Variants in PBX1 observed in about 807,000 individuals in gnomAD.
PBX1 encodes pre-B-cell leukemia transcription factor 1.
PBX1 carries 6 observed loss-of-function variants against 53.4 expected under a neutral mutation model. The observed-to-expected ratio is 0.11, with a 90% CI of 0.06 to 0.22. PBX1 has a LOEUF of 0.22. Ranked by LOEUF, PBX1 falls within the 10% of genes least tolerant of loss-of-function variation. The probability of loss-of-function intolerance (pLI) is 1.00; values close to 1 mark genes in which losing one functional copy is unlikely to be tolerated. For missense variants in PBX1, 251 were observed against 551.4 expected (o/e 0.46, Z 5.46); for synonymous variants, 204 against 212.3 (o/e 0.96, Z 0.34).
chr1:164,765,637 G>A (rs1667023063), intron 2 of PBX1, among the ~76,000 whole-genome samples: 1 of 152,296 alleles, frequency 6.6e-6, no homozygotes, highest in East Asian at 1.9e-4. Context: ...AATCCTGTGA[G>A]ATAAATGTGG....
At chr1:164,817,436 CT>C (rs1439125944) in intron 6 of PBX1, 3 of 152,230 alleles carry the variant, frequency 2.0e-5, no homozygotes, top group Non-Finnish European at 4.4e-5. Context: ...GGCACCTGGT[CT>C]CTTCCCTCAG....
intron 2 of PBX1, among the ~76,000 whole-genome samples, chr1:164,878,634 A>G (rs1672571230): frequency 6.6e-6 from 1 of 152,138 alleles, no homozygotes; most frequent in Non-Finnish European, 1.5e-5. Flanking sequence ...ATATGCAATG[A>G]CATCACCCAC....
At chr1:164,692,945 A>G (rs1662578199) in intron 2 of PBX1, among the ~76,000 whole-genome samples, 1 of 152,212 alleles carries the variant, frequency 6.6e-6, no homozygotes, top group Non-Finnish European at 1.5e-5. Context: ...ACTAGCCCAG[A>G]TTGGGTTCTT....
At position 164,773,243 on chromosome 1, in the gene PBX1, G is replaced by GCACACACACACA. The variant is rs60518864; in HGVS notation, c.266-19232_266-19221dup. Among the ~76,000 whole-genome samples the GCACACACACACA allele has an allele frequency of 4.9e-3, 731 of 147,752 alleles. 8 individuals are homozygous for GCACACACACACA. Among genetic ancestry groups the GCACACACACACA allele is most frequent in the East Asian group, 0.017 (85 of 4,906 alleles). ...CAGCTCTTGCATATAGGTAACACGC[G>GCACACACACACA]CACACACACACACACACACACACAC... On this transcript the variant is annotated intron_variant, in intron 2 of 8. Coordinates refer to ENST00000420696, the MANE Select transcript of PBX1 (RefSeq NM_002585.4).
chr1:164,603,161 G>A (rs894957703), intron 2 of PBX1, among the ~76,000 whole-genome samples: 11 of 110,730 alleles, frequency 9.9e-5, no homozygotes, highest in African/African-American at 3.6e-4. Context: ...TAGGGAAGCA[G>A]CATTTTTTTT....
rs748191385 is a variant in PBX1 at position 164,850,340 on chromosome 1, T to TAAAA, written c.*3678_*3681dup. On this transcript the variant is annotated 3_prime_UTR_variant, in exon 9 of 9. Coordinates refer to ENST00000420696, the MANE Select transcript of PBX1 (RefSeq NM_002585.4). ...AGTGACAGTAATTCATTTTGTAAAC[T>TAAAA]AAAAAAAAAAAAAAAAAGGTTGGAA... 3 of 126,918 alleles carry TAAAA rather than the reference T, an allele frequency of 2.4e-5. No individual in the cohort carries two copies. The highest frequency in any genetic ancestry group is 1.0e-4 in the East Asian group (1 of 9,768). The allele number at this position is 126,918 out of a possible 1,614,324, so 7.9% of individuals were successfully genotyped here.
At chr1:164,798,148 A>T (rs962585126) in intron 3 of PBX1, among the ~76,000 whole-genome samples, 1 of 152,266 alleles carries the variant, frequency 6.6e-6, no homozygotes, top group Non-Finnish European at 1.5e-5. Context: ...GTGTAGACAC[A>T]GCCCAGTGGA....
At chr1:164,743,164 A>G (rs1665706631) in intron 2 of PBX1, among the ~76,000 whole-genome samples, 1 of 152,202 alleles carries the variant, frequency 6.6e-6, no homozygotes, top group Admixed American at 6.5e-5. Flanking sequence ...ACAAACACCC[A>G]GTCGATGGCT....
intron 5 of PBX1, 133 bp from the exon 6 acceptor site, chr1:164,811,857 A>T: frequency 2.3e-6 from 1 of 433,486 alleles, no homozygotes; most frequent in South Asian, 6.2e-5. Flanking sequence ...CTTTTTACTG[A>T]TGTTGCCAAA....
chr1:164,776,009 C>A (rs569480251), intron 2 of PBX1, among the ~76,000 whole-genome samples: 4 of 152,236 alleles, frequency 2.6e-5, no homozygotes, highest in South Asian at 2.1e-4. Context: ...TACTAATAAT[C>A]GGTTTGTCAG....
At chr1:164,866,610 G>T (rs950621001) in intron 2 of PBX1, among the ~76,000 whole-genome samples, 3 of 152,212 alleles carry the variant, frequency 2.0e-5, no homozygotes, top group African/African-American at 4.8e-5. Flanking sequence ...CTAACCAGAA[G>T]TGTAGGCACT....
intron 8 of PBX1, among the ~76,000 whole-genome samples, chr1:164,835,513 A>G (rs576447760): frequency 5.3e-5 from 8 of 152,274 alleles, no homozygotes; most frequent in African/African-American, 1.9e-4. Flanking sequence ...TTATCAAATC[A>G]TTAAATGGCA....
chr1:164,688,890 C>A (rs1662283365), intron 2 of PBX1, among the ~76,000 whole-genome samples: 1 of 152,338 alleles, frequency 6.6e-6, no homozygotes. Context: ...AGTGGCCCTT[C>A]ATGTCACTAT....
chr1:164,866,078 C>T (rs971466145), intron 2 of PBX1, among the ~76,000 whole-genome samples: 6 of 152,158 alleles, frequency 3.9e-5, no homozygotes, highest in Non-Finnish European at 7.4e-5. Context: ...GCTTCCAGTT[C>T]GTACACCAGC....
rs559475210 is a variant in PBX1, at chr1:164,659,887, A to G, written c.265+96576A>G. On this transcript the variant is annotated intron_variant, in intron 2 of 8. Transcript: ENST00000420696. ...CTCCTAACAGGCTTCCTCTGGCAGC[A>G]CCTTGGTTGTATTCTCAGCTGTCTG... is the stretch of plus-strand genomic sequence containing the variant. Among the ~76,000 whole-genome samples the G allele has an allele frequency of 2.2e-4, 34 of 152,162 alleles. 1 individual carries two copies. The highest frequency in any genetic ancestry group is 4.0e-4 in the Non-Finnish European group (27 of 68,024).
chr1:164,804,333 T>G (rs1669228445), intron 4 of PBX1, among the ~76,000 whole-genome samples: 1 of 152,212 alleles, frequency 6.6e-6, no homozygotes, highest in African/African-American at 2.4e-5. Flanking sequence ...TTTATGTTTT[T>G]GATGGTGTCC....
At chr1:164,587,292 A>G (rs1655016097) in intron 2 of PBX1, among the ~76,000 whole-genome samples, 1 of 152,212 alleles carries the variant, frequency 6.6e-6, no homozygotes, top group Non-Finnish European at 1.5e-5. Context: ...AATGTATATG[A>G]CAGAAGGAAC....
chr1:164,742,996 A>T (rs1482510814), intron 2 of PBX1, among the ~76,000 whole-genome samples: 4 of 152,116 alleles, frequency 2.6e-5, no homozygotes, highest in Admixed American at 6.6e-5. Context: ...AATACGATCC[A>T]CTCTGCTGAA....
chr1:164,602,767 G>T (rs1656268067), intron 2 of PBX1, among the ~76,000 whole-genome samples: 2 of 151,448 alleles, frequency 1.3e-5, no homozygotes, highest in Non-Finnish European at 2.9e-5. Context: ...AAGGGCTCTT[G>T]CCTTTGAGGG....
Sources: allele counts gnomAD v4.1 joint callset (sites outside exome capture counted in the v4.1 genomes callset), GRCh38; gene constraint gnomAD v4.1.1; transcripts MANE v1.5; gene names NCBI Gene and HGNC (gene_info 2026-07-23, HGNC 2026-07-21).